The following LUZP1 variants were observed in gnomAD, a reference collection of about 807,000 sequenced individuals.
LUZP1 encodes the protein filamin mechanobinding actin cross-linking protein.
A neutral mutation model predicts 71.3 loss-of-function variants in LUZP1; 25 were observed. That is an observed-to-expected ratio of 0.35 (90% CI 0.26 to 0.49). The LOEUF (loss-of-function observed/expected upper bound fraction) is 0.49, where lower values mean the gene tolerates loss of function less well. LUZP1 is among the 20% of genes least tolerant of loss of function. The pLI is 0.99. For missense variants in LUZP1, 1,142 were observed against 1,300.8 expected, an observed-to-expected ratio of 0.88 and a Z score of 1.88; for synonymous variants, 481 against 506.4, an observed-to-expected ratio of 0.95 and a Z score of 0.67.
intron 3 of LUZP1, among the ~76,000 whole-genome samples, chr1:23,099,009 C>G (rs1017375172): frequency 2.6e-5 from 4 of 152,226 alleles, no homozygotes; most frequent in African/African-American, 7.2e-5. Flanking sequence ...GAATACTGCT[C>G]CCTGTCCATC....
intron 2 of LUZP1, among the ~76,000 whole-genome samples, chr1:23,136,668 G>A (rs1228500364): frequency 2.0e-5 from 3 of 152,174 alleles, no homozygotes; most frequent in African/African-American, 7.2e-5. Flanking sequence ...CAGCACTTTG[G>A]GAGGCCGAGG....
At chr1:23,142,686 AAT>A (rs147043620) in intron 2 of LUZP1, among the ~76,000 whole-genome samples, 4,360 of 117,332 alleles carry the variant, frequency 0.037, 88 homozygotes, top group African/African-American at 0.063. Context: ...GGGTGCATAA[AAT>A]ATATATATAT....
At chr1:23,091,998 A>G in exon 4 of LUZP1, 1 of 1,614,068 alleles carries the variant, frequency 6.2e-7, no homozygotes, top group Non-Finnish European at 8.5e-7. Context: ...AGGTTTGATG[A>G]TGGCTCTAGA....
At chr1:23,156,085 AT>A (rs1391469972) in intron 2 of LUZP1, among the ~76,000 whole-genome samples, 1 of 152,244 alleles carries the variant, frequency 6.6e-6, no homozygotes, top group East Asian at 1.9e-4. Flanking sequence ...TAGAAAGCCT[AT>A]GCAAATAAAG....
chr1:23,093,566 A>G lies in LUZP1; in HGVS notation c.696T>C (p.Ala232=). The stretch of plus-strand genomic sequence containing the variant: ...GTAGGTCATTTCTTTCCAGATTAGA[A>G]GCATTCCTTGTATAATCTCGGTTCA... The change falls in exon 4 of 5, where the codon GCT becomes GCC. Residue 232 remains alanine (A), a synonymous_variant. Transcript: ENST00000302291. The surrounding 1 kb of genome is among the most constrained non-coding windows in gnomAD (Gnocchi z 4.2). 1 of 1,613,880 alleles carries G rather than the reference A, an allele frequency of 6.2e-7. No homozygotes were observed. The highest frequency in any genetic ancestry group is 8.5e-7 in the Non-Finnish European group (1 of 1,179,962).
At position 23,089,040 on chromosome 1, in the gene LUZP1, T is replaced by C. The variant is rs753029312; in HGVS notation, c.3086A>G (p.Glu1029Gly). ...CCTGTAGACACTGAGTGTACAGTCTTCCCCTTCTTCCTCCTGTGCCAATAA... is the reference window on the plus strand; with the variant it reads ...CCTGTAGACACTGAGTGTACAGTCTCCCCCTTCTTCCTCCTGTGCCAATAA... The change falls in exon 5 of 5, where the codon GAA becomes GGA. Residue 1029 changes from glutamate to glycine, a missense_variant. Coordinates refer to ENST00000302291, the Ensembl canonical transcript of LUZP1. 2.5e-6 allele frequency: 4 copies of C among 1,613,834 alleles called. No individual in the cohort carries two copies. The Admixed American group carries it at 6.7e-5, about 27-fold the overall frequency.
intron 2 of LUZP1, among the ~76,000 whole-genome samples, chr1:23,164,487 G>T (rs184587877): frequency 1.3e-5 from 2 of 149,878 alleles, no homozygotes; most frequent in African/African-American, 4.9e-5. Flanking sequence ...GTGAGACACC[G>T]TCTCAAAAAA....
At chr1:23,110,847 G>A (rs549540004) in intron 2 of LUZP1, among the ~76,000 whole-genome samples, 4 of 152,150 alleles carry the variant, frequency 2.6e-5, no homozygotes, top group African/African-American at 9.6e-5. Context: ...CACCCAGGCT[G>A]GTCTGAAACT....
chr1:23,159,682 TG>T (rs1405909200), intron 2 of LUZP1, among the ~76,000 whole-genome samples: 3 of 152,188 alleles, frequency 2.0e-5, no homozygotes, highest in Non-Finnish European at 4.4e-5. Flanking sequence ...ACATAGCCAA[TG>T]GCTAATAATA....
At chr1:23,165,282 T>C (rs1644500922) in intron 2 of LUZP1, among the ~76,000 whole-genome samples, 1 of 151,922 alleles carries the variant, frequency 6.6e-6, no homozygotes, top group South Asian at 2.1e-4. Flanking sequence ...TACAACTGTA[T>C]ACATGTGTCA....
At chr1:23,130,552 T>TG (rs1644206828) in intron 2 of LUZP1, among the ~76,000 whole-genome samples, 1 of 133,510 alleles carries the variant, frequency 7.5e-6, no homozygotes, top group Non-Finnish European at 1.6e-5. Flanking sequence ...TTTTTAGAGA[T>TG]GGGGTCTCAC....
At chr1:23,154,191 G>C (rs944615970) in intron 2 of LUZP1, among the ~76,000 whole-genome samples, 1 of 152,150 alleles carries the variant, frequency 6.6e-6, no homozygotes, top group Non-Finnish European at 1.5e-5. Flanking sequence ...GACTACAAAA[G>C]AGCAGAAGGG....
chr1:23,105,195 G>A (rs748313337), intron 3 of LUZP1, among the ~76,000 whole-genome samples: 4 of 152,150 alleles, frequency 2.6e-5, no homozygotes, highest in Admixed American at 6.5e-5. Context: ...GCCTGAACCA[G>A]GACAGTAGCA....
intron 2 of LUZP1, among the ~76,000 whole-genome samples, chr1:23,128,226 AAC>A (rs869154959): frequency 6.6e-6 from 1 of 152,306 alleles, no homozygotes; most frequent in Non-Finnish European, 1.5e-5. Flanking sequence ...TTAAAAAAAA[AAC>A]AAACTGGGTT....
intron 3 of LUZP1, among the ~76,000 whole-genome samples, chr1:23,105,714 C>T (rs939565483): frequency 6.6e-6 from 1 of 152,178 alleles, no homozygotes; most frequent in Non-Finnish European, 1.5e-5. Context: ...ATTTAAGTCT[C>T]ATAGGCATGT....
chr1:23,153,049 T>C (rs1292392037), intron 2 of LUZP1, among the ~76,000 whole-genome samples: 1 of 152,170 alleles, frequency 6.6e-6, no homozygotes, highest in Non-Finnish European at 1.5e-5. Context: ...ACTTCTTGAT[T>C]AATGTCATAA....
chr1:23,131,979 C>T (rs1334831732), intron 2 of LUZP1, among the ~76,000 whole-genome samples: 1 of 152,210 alleles, frequency 6.6e-6, no homozygotes, highest in Non-Finnish European at 1.5e-5. Context: ...AGCCACTGCG[C>T]CCGGCCCACA....
chr1:23,094,789 G>A lies in LUZP1; in HGVS notation c.-119-409C>T, dbSNP rs1643883972. Reference sequence around the variant, plus strand: ...GTATTTCTCCCCAGTGTTGTTCTGAGATAATATGTGGAAGATCTTGGTAAC... The same window carrying A: ...GTATTTCTCCCCAGTGTTGTTCTGAAATAATATGTGGAAGATCTTGGTAAC... On this transcript the variant is annotated intron_variant, in intron 3 of 4. Coordinates refer to ENST00000302291, the Ensembl canonical transcript of LUZP1. The surrounding 1 kb of genome is among the most constrained non-coding windows in gnomAD (Gnocchi z 4.7). Among the ~76,000 whole-genome samples, 2 of 152,078 alleles carry A rather than the reference G, an allele frequency of 1.3e-5. No homozygotes were observed. The highest frequency in any genetic ancestry group is 6.5e-5 in the Admixed American group (1 of 15,278).
chr1:23,113,939 GAA>G (rs1409613066), intron 2 of LUZP1, among the ~76,000 whole-genome samples: 3 of 151,196 alleles, frequency 2.0e-5, no homozygotes, highest in African/African-American at 7.3e-5. Flanking sequence ...GTAAATCTCA[GAA>G]GAGAAACTGA....
Sources: allele counts gnomAD v4.1 joint callset (sites outside exome capture counted in the v4.1 genomes callset), GRCh38; gene constraint gnomAD v4.1.1; non-coding constraint Gnocchi (gnomAD v3.1); transcripts MANE v1.5; gene names NCBI Gene and HGNC (gene_info 2026-07-23, HGNC 2026-07-21).